The following SNX29 variants were observed in gnomAD, a reference collection of about 807,000 sequenced individuals.
SNX29 encodes sorting nexin 29.
SNX29 carries 78 observed loss-of-function variants against 102.1 expected under a neutral mutation model. That is an observed-to-expected ratio of 0.76 (90% CI 0.64 to 0.92). The LOEUF (loss-of-function observed/expected upper bound fraction) is 0.92, where lower values mean the gene tolerates loss of function less well. Among genes scored for constraint, SNX29 ranks in the 40% least tolerant of loss-of-function variants. The pLI is 0.00. For missense variants in SNX29, 1,280 were observed against 1,061.7 expected (o/e 1.21, Z -2.86); for synonymous variants, 580 against 414.5 (o/e 1.40, Z -4.85).
intron 14 of SNX29, among the ~76,000 whole-genome samples, chr16:12,206,384 C>CAA (rs59859762): frequency 0.017 from 1,523 of 91,776 alleles, 33 homozygotes; most frequent in Non-Finnish European, 0.021. Context: ...AAATAGCTTT[C>CAA]AAAAAAAAAA....
At chr16:12,562,559 C>T (rs372242097) in intron 20 of SNX29, among the ~76,000 whole-genome samples, 1 of 152,178 alleles carries the variant, frequency 6.6e-6, no homozygotes, top group East Asian at 1.9e-4. Context: ...AAGACACTGT[C>T]CCCGTGGTCC....
chr16:12,077,427 G>T (rs991046931), intron 10 of SNX29, among the ~76,000 whole-genome samples: 12 of 145,704 alleles, frequency 8.2e-5, no homozygotes, highest in South Asian at 2.2e-4. Context: ...GTGTGTGTGT[G>T]TATCTCTGTT....
At chr16:12,005,350 ACT>A (rs1203266191) in intron 3 of SNX29, among the ~76,000 whole-genome samples, 2 of 152,174 alleles carry the variant, frequency 1.3e-5, no homozygotes, top group Admixed American at 1.3e-4. Context: ...TCCTAGTTGT[ACT>A]GGAGCAGGAT....
At chr16:12,354,380 G>T (rs1732848035) in intron 15 of SNX29, among the ~76,000 whole-genome samples, 2 of 152,168 alleles carry the variant, frequency 1.3e-5, no homozygotes, top group Non-Finnish European at 2.9e-5. Context: ...GCCTGATGTG[G>T]TCAAGTTCTG....
chr16:12,205,487 C>T (rs1278227331), intron 14 of SNX29, among the ~76,000 whole-genome samples: 1 of 152,196 alleles, frequency 6.6e-6, no homozygotes. Flanking sequence ...CTCCCACCAC[C>T]CTCCCTCTTG....
At chr16:12,371,770 G>A (rs977822525) in intron 16 of SNX29, among the ~76,000 whole-genome samples, 4 of 152,198 alleles carry the variant, frequency 2.6e-5, no homozygotes, top group Admixed American at 6.5e-5. Context: ...GCAATGCAAC[G>A]CAGATATTTT....
chr16:12,476,397 TATATATATATATATAC>T (rs1224130354), intron 18 of SNX29, among the ~76,000 whole-genome samples: 524 of 19,492 alleles, frequency 0.027, 12 homozygotes, highest in African/African-American at 0.082. Flanking sequence ...TATATATATA[TATATATATATATATAC>T]ATATATATAT....
At chr16:12,461,973 AAAAAAATATATATATATATATATATATAT>A (rs2086798931) in intron 18 of SNX29, among the ~76,000 whole-genome samples, 1 of 69,596 alleles carries the variant, frequency 1.4e-5, no homozygotes, top group African/African-American at 8.4e-5. Context: ...AAAAAAAAAA[AAAAAAATATATATATATATATATATATAT>A]ATATATATAT....
rs191601372 is a variant in SNX29, at chr16:12,212,270, G to A, written c.1678+12587G>A. Among the ~76,000 whole-genome samples the A allele has an allele frequency of 5.3e-4, 80 of 152,304 alleles. 1 individual carries two copies. Among genetic ancestry groups the A allele is most frequent in the South Asian group, 2.3e-3 (11 of 4,816 alleles). On this transcript the variant is annotated intron_variant, in intron 14 of 20. Coordinates refer to ENST00000566228, the MANE Select transcript of SNX29 (RefSeq NM_032167.5). ...TTGTGTGCCATGAGTCACATGGGGA[G>A]CCAGGTTAGAGTGGGAGGGACTCGG... is the stretch of plus-strand genomic sequence containing the variant.
intron 14 of SNX29, among the ~76,000 whole-genome samples, chr16:12,231,494 A>T (rs2077767014): frequency 6.6e-6 from 1 of 152,052 alleles, no homozygotes; most frequent in African/African-American, 2.4e-5. Flanking sequence ...TAGTGGATAG[A>T]CCAGAGTTTT....
intron 18 of SNX29, among the ~76,000 whole-genome samples, chr16:12,405,972 C>T (rs1362683206): frequency 6.6e-6 from 1 of 151,750 alleles, no homozygotes; most frequent in Non-Finnish European, 1.5e-5. Flanking sequence ...GCAGAGATTG[C>T]AGTGAGCCGA....
intron 20 of SNX29, among the ~76,000 whole-genome samples, chr16:12,539,759 T>G (rs2077240606): frequency 6.6e-6 from 1 of 152,250 alleles, no homozygotes; most frequent in Non-Finnish European, 1.5e-5. Flanking sequence ...ATCATGGTCT[T>G]AATTTGCATT....
intron 15 of SNX29, among the ~76,000 whole-genome samples, chr16:12,351,511 G>A (rs748700615): frequency 5.9e-5 from 9 of 152,182 alleles, no homozygotes; most frequent in Non-Finnish European, 1.0e-4. Flanking sequence ...GGAGGAGGGT[G>A]AAGCATGATT....
At chr16:12,010,920 C>CT (rs550891613) in intron 3 of SNX29, among the ~76,000 whole-genome samples, 1 of 151,718 alleles carries the variant, frequency 6.6e-6, no homozygotes, top group African/African-American at 2.4e-5. Flanking sequence ...CTTTTTCAGG[C>CT]TTTTTTTTCT....
intron 19 of SNX29, among the ~76,000 whole-genome samples, chr16:12,518,438 A>G (rs946227714): frequency 6.6e-5 from 10 of 152,138 alleles, no homozygotes; most frequent in African/African-American, 4.8e-5. Context: ...TCCACTTGGC[A>G]TGCCCTTCCC....
At chr16:12,384,257 A>G (rs2083274931) in intron 16 of SNX29, among the ~76,000 whole-genome samples, 1 of 152,222 alleles carries the variant, frequency 6.6e-6, no homozygotes, top group Non-Finnish European at 1.5e-5. Context: ...TTGCTGGATC[A>G]TATGGTAGCT....
At chr16:12,498,715 C>T (rs1239150294) in intron 19 of SNX29, among the ~76,000 whole-genome samples, 1 of 152,238 alleles carries the variant, frequency 6.6e-6, no homozygotes, top group Non-Finnish European at 1.5e-5. Flanking sequence ...AGAGATTCAA[C>T]TCTACATCTG....
intron 19 of SNX29, among the ~76,000 whole-genome samples, chr16:12,493,979 C>T (rs2088681438): frequency 6.6e-6 from 1 of 152,142 alleles, no homozygotes. Context: ...TTTCTTCTTC[C>T]CTTTCTTGCC....
intron 19 of SNX29, among the ~76,000 whole-genome samples, chr16:12,482,347 A>T (rs576026782): frequency 6.6e-6 from 1 of 151,104 alleles, no homozygotes; most frequent in Non-Finnish European, 1.5e-5. Flanking sequence ...TGTCACCCAG[A>T]CTAGAGTTCT....
Sources: allele counts gnomAD v4.1 joint callset (sites outside exome capture counted in the v4.1 genomes callset), GRCh38; gene constraint gnomAD v4.1.1; transcripts MANE v1.5; gene names NCBI Gene and HGNC (gene_info 2026-07-23, HGNC 2026-07-21).